CREB5: variants seen among roughly 807,000 people sequenced by gnomAD.
The protein encoded by CREB5 is cAMP responsive element binding protein 5, also known as cyclic AMP-responsive element-binding protein 5.
CREB5 carries 19 observed loss-of-function variants against 57.1 expected under a neutral mutation model. The ratio of observed to expected loss-of-function variants is 0.33; its 90% CI spans 0.23 to 0.49. The LOEUF is 0.49. CREB5 is among the 20% of genes least tolerant of loss of function. CREB5 has a pLI of 0.99. For missense variants in CREB5, 579 were observed against 671.6 expected, an observed-to-expected ratio of 0.86 and a Z score of 1.52; for synonymous variants, 238 against 238.3, an observed-to-expected ratio of 1.00 and a Z score of 0.01.
At position 28,809,410 on chromosome 7, in the gene CREB5, T is replaced by G; in HGVS notation, c.1250T>G (p.Leu417Arg). Residue 417 changes from leucine (L) to arginine (R), a missense_variant, in exon 9 of 11, where the codon CTT becomes CGT. Leu to Arg is a moderately radical substitution (Grantham distance 102). Transcript: ENST00000357727. The stretch of plus-strand genomic sequence containing the variant: ...GAACTCACCCAGACAAACATGCAGC[T>G]TCAGGTGCAGCCCACGGTGTCTTTC... The part of the protein sequence containing the change: ...AEELTQTNMQ[L>R]QNEVSMLKNE... The G allele has an allele frequency of 6.2e-7, 1 of 1,610,270 alleles. No homozygotes were observed. Among genetic ancestry groups the G allele is most frequent in the Non-Finnish European group, 8.5e-7 (1 of 1,178,234 alleles).
intron 7 of CREB5, among the ~76,000 whole-genome samples, chr7:28,759,429 G>A (rs1281063511): frequency 1.3e-5 from 2 of 152,134 alleles, no homozygotes; most frequent in Non-Finnish European, 2.9e-5. Flanking sequence ...GAAGAACGCT[G>A]TCTCAGAATT....
intron 5 of CREB5, among the ~76,000 whole-genome samples, chr7:28,599,402 G>C (rs965905469): frequency 2.6e-5 from 4 of 152,142 alleles, no homozygotes; most frequent in Non-Finnish European, 5.9e-5. Flanking sequence ...CTTACCCACA[G>C]ATTAAACTTC....
chr7:28,381,025 TCA>T (rs1404749636), intron 1 of CREB5, among the ~76,000 whole-genome samples: 1 of 152,168 alleles, frequency 6.6e-6, no homozygotes, highest in Admixed American at 6.5e-5. Context: ...GGTGGTTTGT[TCA>T]CAGATGCTCA....
intron 1 of CREB5, among the ~76,000 whole-genome samples, chr7:28,486,600 G>A (rs1318064054): frequency 6.8e-6 from 1 of 147,310 alleles, no homozygotes; most frequent in Admixed American, 6.9e-5. Flanking sequence ...AAAAAAAAGA[G>A]GGGGGGTATG....
At chr7:28,380,841 A>G (rs1316657072) in intron 1 of CREB5, among the ~76,000 whole-genome samples, 1 of 152,186 alleles carries the variant, frequency 6.6e-6, no homozygotes, top group Non-Finnish European at 1.5e-5. Flanking sequence ...GGACAATGGT[A>G]CTACCTCGTG....
chr7:28,396,082 G>C (rs1787328582), intron 1 of CREB5, among the ~76,000 whole-genome samples: 1 of 152,176 alleles, frequency 6.6e-6, no homozygotes, highest in Admixed American at 6.5e-5. Context: ...ATTTGCAAAT[G>C]AGCATGACGA....
chr7:28,578,558 T>C (rs998624895), intron 5 of CREB5, among the ~76,000 whole-genome samples: 1 of 152,208 alleles, frequency 6.6e-6, no homozygotes, highest in Non-Finnish European at 1.5e-5. Context: ...AATAGGGCGG[T>C]GTCCCTGCGG....
intron 1 of CREB5, among the ~76,000 whole-genome samples, chr7:28,336,748 G>T (rs1296118190): frequency 2.0e-5 from 3 of 150,646 alleles, no homozygotes; most frequent in African/African-American, 7.3e-5. Context: ...GGTTTGATTT[G>T]CTCTTGCTTT....
chr7:28,577,862 A>G (rs946875779), intron 5 of CREB5, among the ~76,000 whole-genome samples: 19 of 152,220 alleles, frequency 1.2e-4, no homozygotes, highest in African/African-American at 4.1e-4. Context: ...GTGACTAGGT[A>G]TAGCTTCCTC....
intron 7 of CREB5, among the ~76,000 whole-genome samples, chr7:28,767,089 A>G (rs1362171274): frequency 1.3e-5 from 2 of 152,208 alleles, no homozygotes; most frequent in African/African-American, 2.4e-5. Context: ...TAGGGGAAAA[A>G]TCCTAGAAGG....
At chr7:28,364,492 G>T (rs910896806) in intron 1 of CREB5, among the ~76,000 whole-genome samples, 1 of 152,208 alleles carries the variant, frequency 6.6e-6, no homozygotes, top group African/African-American at 2.4e-5. Context: ...CACTGAGAGT[G>T]CATCTCCCTT....
intron 5 of CREB5, among the ~76,000 whole-genome samples, chr7:28,574,177 A>C (rs1462695914): frequency 6.6e-6 from 1 of 152,222 alleles, no homozygotes; most frequent in Non-Finnish European, 1.5e-5. Context: ...GGAAAAAAAG[A>C]GTGAGCCATG....
At chr7:28,464,211 T>C (rs1790464207) in intron 1 of CREB5, among the ~76,000 whole-genome samples, 1 of 152,218 alleles carries the variant, frequency 6.6e-6, no homozygotes, top group Non-Finnish European at 1.5e-5. Context: ...CCTTTTTATA[T>C]GTTGCTGGAT....
intron 5 of CREB5, among the ~76,000 whole-genome samples, chr7:28,678,837 G>A (rs888208433): frequency 1.3e-5 from 2 of 152,136 alleles, no homozygotes; most frequent in Non-Finnish European, 2.9e-5. Flanking sequence ...GTTGGAGGGC[G>A]AATTCTCCTT....
At chr7:28,341,251 C>T (rs902592502) in intron 1 of CREB5, among the ~76,000 whole-genome samples, 1 of 152,040 alleles carries the variant, frequency 6.6e-6, no homozygotes, top group Admixed American at 6.6e-5. Flanking sequence ...ATATCATAAG[C>T]ATTTTTTTCT....
chr7:28,509,172 G>C (rs890499016), intron 4 of CREB5, among the ~76,000 whole-genome samples: 10 of 152,166 alleles, frequency 6.6e-5, no homozygotes, highest in Non-Finnish European at 1.3e-4. Flanking sequence ...CTATAAGAAA[G>C]ATGTGTATTT....
chr7:28,359,167 C>G (rs1216623004), intron 1 of CREB5, among the ~76,000 whole-genome samples: 1 of 149,792 alleles, frequency 6.7e-6, no homozygotes, highest in African/African-American at 2.4e-5. Context: ...AAATCCCAAA[C>G]CCAAAACGAA....
At chr7:28,401,164 C>T (rs1170124494) in intron 1 of CREB5, among the ~76,000 whole-genome samples, 1 of 151,878 alleles carries the variant, frequency 6.6e-6, no homozygotes, top group Non-Finnish European at 1.5e-5. Flanking sequence ...GAAAGAAAAA[C>T]ACATTAAGAT....
intron 1 of CREB5, among the ~76,000 whole-genome samples, chr7:28,360,282 G>A (rs184856206): frequency 2.4e-4 from 36 of 152,288 alleles, no homozygotes; most frequent in Non-Finnish European, 5.1e-4. Context: ...TGTTTTTGTA[G>A]CATTATTCAC....
Sources: gnomAD v4.1 joint callset for allele counts (sites outside exome capture counted in the v4.1 genomes callset) on GRCh38, gnomAD v4.1.1 for gene constraint, MANE v1.5 for transcripts, NCBI Gene and HGNC (gene_info 2026-07-23, HGNC 2026-07-21) for gene names.